Variants in DTNA observed in about 807,000 individuals in gnomAD.
DTNA encodes dystrophin-related protein 3.
In DTNA, 43 loss-of-function variants were observed where a neutral mutation model predicts 100.7. The ratio of observed to expected loss-of-function variants is 0.43; its 90% CI spans 0.33 to 0.55. The LOEUF (loss-of-function observed/expected upper bound fraction) is 0.55, where lower values mean the gene tolerates loss of function less well. Among genes scored for constraint, DTNA ranks in the 20% least tolerant of loss-of-function variants. The pLI is 0.04. For missense variants in DTNA, 798 were observed against 953.9 expected (o/e 0.84, Z 2.15); for synonymous variants, 349 against 347.9 (o/e 1.00, Z -0.04).
intron 1 of DTNA, among the ~76,000 whole-genome samples, chr18:34,609,244 T>C (rs2053734368): frequency 1.4e-5 from 2 of 144,830 alleles, no homozygotes; most frequent in Non-Finnish European, 3.0e-5. Context: ...CTGCTTTAAT[T>C]CTTTTTTTTT....
chr18:34,802,559 C>T (rs16965973), intron 4 of DTNA, among the ~76,000 whole-genome samples: 18,897 of 152,140 alleles, frequency 0.12, 1,287 homozygotes, highest in African/African-American at 0.17. Flanking sequence ...AATGCCAGTG[C>T]CTTTTTTCAC....
intron 4 of DTNA, among the ~76,000 whole-genome samples, chr18:34,797,926 A>G (rs892924947): frequency 2.6e-5 from 4 of 152,206 alleles, no homozygotes; most frequent in Non-Finnish European, 5.9e-5. Context: ...ACCTGAGACC[A>G]TAGCCAACAC....
intron 9 of DTNA, among the ~76,000 whole-genome samples, chr18:34,823,444 A>G (rs1484083029): frequency 1.3e-5 from 2 of 152,220 alleles, no homozygotes; most frequent in Non-Finnish European, 2.9e-5. Context: ...AATTTAAGAA[A>G]TAAAACACAC....
chr18:34,737,002 G>A (rs1160675565), intron 1 of DTNA, among the ~76,000 whole-genome samples: 1 of 152,150 alleles, frequency 6.6e-6, no homozygotes, highest in African/African-American at 2.4e-5. Context: ...TGGGAAGAAT[G>A]GGCTTCCTTC....
At chr18:34,770,940 G>T (rs772935403) in intron 3 of DTNA, among the ~76,000 whole-genome samples, 1 of 151,740 alleles carries the variant, frequency 6.6e-6, no homozygotes, top group Non-Finnish European at 1.5e-5. Flanking sequence ...GCACCACCAC[G>T]CCCGGCTAAT....
In DTNA at chr18:34,806,212, T is replaced by C. The variant is rs772030623; in HGVS notation, c.363-7T>C. The C allele has an allele frequency of 6.2e-7, 1 of 1,613,326 alleles. No homozygotes were observed. Among genetic ancestry groups the C allele is most frequent in the South Asian group, 1.1e-5 (1 of 91,062 alleles). On this transcript the variant is annotated splice_polypyrimidine_tract_variant and splice_region_variant and intron_variant, in intron 4 of 22. Coordinates refer to ENST00000444659, the MANE Select transcript of DTNA (RefSeq NM_001386795.1). The stretch of plus-strand genomic sequence containing the variant: ...GTTTTTGTTTTTTTTCTATTACCAT[T>C]AAACAGGGAAGGCCATGGTAAAATT...
At chr18:34,820,697 C>A in intron 8 of DTNA, 94 bp from the exon 9 acceptor site, 1 of 1,578,056 alleles carries the variant, frequency 6.3e-7, no homozygotes, top group Non-Finnish European at 8.6e-7. Flanking sequence ...GGATTTCTTC[C>A]GTAAATGAAT....
At chr18:34,758,451 A>C (rs2092926771) in intron 2 of DTNA, among the ~76,000 whole-genome samples, 1 of 152,258 alleles carries the variant, frequency 6.6e-6, no homozygotes, top group Non-Finnish European at 1.5e-5. Flanking sequence ...GACTGAACTC[A>C]ACTTCCCTGG....
intron 1 of DTNA, among the ~76,000 whole-genome samples, chr18:34,567,611 C>A (rs1259996629): frequency 6.6e-6 from 1 of 151,972 alleles, no homozygotes. Context: ...AACCTATAAA[C>A]TTAGAACTAA....
intron 18 of DTNA, 48 bp from the exon 19 acceptor site, chr18:34,877,671 G>A: frequency 6.5e-7 from 1 of 1,533,326 alleles, no homozygotes. Context: ...TAAAAATTTA[G>A]GATAGAAGGA....
intron 1 of DTNA, among the ~76,000 whole-genome samples, chr18:34,607,519 A>G (rs557568852): frequency 1.3e-5 from 2 of 152,308 alleles, no homozygotes; most frequent in South Asian, 4.1e-4. Context: ...ATACTTTCCA[A>G]ACTTGTTCCA....
intron 17 of DTNA, among the ~76,000 whole-genome samples, chr18:34,874,097 C>T (rs1158728667): frequency 6.6e-6 from 1 of 152,186 alleles, no homozygotes; most frequent in African/African-American, 2.4e-5. Context: ...AACAGCATGG[C>T]ATTTTTCAGG....
Position 34,632,980 on chromosome 18 carries a change from T to C in DTNA, c.-1-122996T>C, listed in dbSNP as rs1330049407. Among the ~76,000 whole-genome samples the C allele has an allele frequency of 5.5e-5, 8 of 146,668 alleles. No homozygotes were observed. The East Asian group carries it at 1.5e-3, about 28-fold the overall frequency. ...TTTTACAGCTAACAAAACTGAGACA[T>C]AGAGAGGATTAAAAAAATTCTGAAA... On this transcript the variant is annotated intron_variant, in intron 1 of 19. Coordinates refer to the DTNA transcript ENST00000283365.
chr18:34,858,404 A>C lies in DTNA; in HGVS notation c.1646+6A>C. 6.2e-7 allele frequency: 1 copy of C among 1,613,718 alleles called. No homozygotes were observed. The highest frequency in any genetic ancestry group is 8.5e-7 in the Non-Finnish European group (1 of 1,179,664). On this transcript the variant is annotated splice_donor_region_variant and intron_variant, in intron 16 of 22. Coordinates refer to ENST00000444659, the MANE Select transcript of DTNA (RefSeq NM_001386795.1). Reference sequence around the variant, plus strand: ...GCAGAACTCCGGCTCCTCAGGTAGGAGAGAGCACCCATGTCATCTCAGGGA... The same window carrying C: ...GCAGAACTCCGGCTCCTCAGGTAGGCGAGAGCACCCATGTCATCTCAGGGA...
intron 1 of DTNA, among the ~76,000 whole-genome samples, chr18:34,722,489 A>G (rs780212235): frequency 3.3e-5 from 5 of 152,160 alleles, no homozygotes; most frequent in Non-Finnish European, 5.9e-5. Flanking sequence ...AAATCAAATT[A>G]TAAGGATTAA....
At chr18:34,571,787 G>T (rs1373137710) in intron 1 of DTNA, among the ~76,000 whole-genome samples, 1 of 152,160 alleles carries the variant, frequency 6.6e-6, no homozygotes, top group African/African-American at 2.4e-5. Context: ...TTCTAGCACA[G>T]CTGATGCTTT....
At position 34,889,994 on chromosome 18, in the gene DTNA, T is replaced by C. The variant is rs2096955543; in HGVS notation, c.*2260T>C. 9.2e-6 allele frequency: 11 copies of C among 1,193,368 alleles called. No individual in the cohort carries two copies. Among genetic ancestry groups the C allele is most frequent in the Non-Finnish European group, 1.0e-5 (10 of 958,548 alleles). 73.9% of individuals were successfully genotyped at this position (1,193,368 alleles called of 1,614,324 possible). ...AAAACCACTACATCCCAGCTACCTA[T>C]AATGCTGTCAGCTCAAAATCATAGC... On this transcript the variant is annotated 3_prime_UTR_variant, in exon 23 of 23. Coordinates refer to ENST00000444659, the MANE Select transcript of DTNA (RefSeq NM_001386795.1).
chr18:34,823,480 G>A (rs550328960), intron 9 of DTNA, among the ~76,000 whole-genome samples: 10 of 152,184 alleles, frequency 6.6e-5, no homozygotes, highest in African/African-American at 9.6e-5. Flanking sequence ...CACTTAATGC[G>A]CTTAATTTAT....
intron 1 of DTNA, among the ~76,000 whole-genome samples, chr18:34,660,672 CATA>C (rs1365289983): frequency 6.6e-6 from 1 of 152,092 alleles, no homozygotes; most frequent in Non-Finnish European, 1.5e-5. Flanking sequence ...ACTTCATCTG[CATA>C]ATAAGAACCT....
Sources: allele counts gnomAD v4.1 joint callset (sites outside exome capture counted in the v4.1 genomes callset), GRCh38; gene constraint gnomAD v4.1.1; transcripts MANE v1.5; gene names NCBI Gene and HGNC (gene_info 2026-07-23, HGNC 2026-07-21).